Variants in SENP6 observed in about 807,000 individuals in gnomAD.
SENP6 encodes sentrin-specific protease 6.
In SENP6, 41 loss-of-function variants were observed where a neutral mutation model predicts 134.5. That is an observed-to-expected ratio of 0.30 (90% confidence interval 0.24 to 0.40). SENP6 has a LOEUF of 0.40. Among genes scored for constraint, SENP6 ranks in the 10% least tolerant of loss-of-function variants. SENP6 has a pLI of 1.00. For missense variants in SENP6, 1,248 were observed against 1,312.5 expected, an observed-to-expected ratio of 0.95 and a Z score of 0.76; for synonymous variants, 395 against 429.8, an observed-to-expected ratio of 0.92 and a Z score of 1.00.
At chr6:75,676,136 A>C in intron 13 of SENP6, 82 bp downstream of exon 13, 1 of 862,070 alleles carries the variant, frequency 1.2e-6, no homozygotes, top group Non-Finnish European at 1.7e-6. Flanking sequence ...ATGTGAGTGC[A>C]CTTTGACAGA....
chr6:75,658,836 G>A (rs958037580), intron 7 of SENP6, among the ~76,000 whole-genome samples: 2 of 151,894 alleles, frequency 1.3e-5, no homozygotes, highest in Non-Finnish European at 2.9e-5. Flanking sequence ...GCTGAGTGTG[G>A]TGGCACGTAC....
intron 10 of SENP6, among the ~76,000 whole-genome samples, chr6:75,669,395 TTAA>T (rs1470195935): frequency 1.3e-5 from 2 of 152,124 alleles, no homozygotes; most frequent in East Asian, 1.9e-4. Flanking sequence ...GATAAATCTG[TTAA>T]TAAGCCTGAA....
At position 75,676,137 on chromosome 6, in the gene SENP6, C is replaced by G. The variant is rs1475284502; in HGVS notation, c.1621+83C>G. 4 of 858,798 alleles carry G rather than the reference C, an allele frequency of 4.7e-6. No homozygotes were observed. The Admixed American group carries it at 1.3e-4, about 28-fold the overall frequency. 53.2% of individuals were successfully genotyped at this position (858,798 alleles called of 1,614,324 possible). ...TGTTAAATAGCAAAATGTGAGTGCACTTTGACAGATGCCTTAGGTGTATAT... is the reference window on the plus strand; with the variant it reads ...TGTTAAATAGCAAAATGTGAGTGCAGTTTGACAGATGCCTTAGGTGTATAT... On this transcript the variant is annotated intron_variant, in intron 13 of 23. Coordinates refer to ENST00000447266, the MANE Select transcript of SENP6 (RefSeq NM_015571.4).
intron 1 of SENP6, among the ~76,000 whole-genome samples, chr6:75,616,928 A>G (rs1767893472): frequency 6.6e-6 from 1 of 151,990 alleles, no homozygotes; most frequent in Admixed American, 6.6e-5. Flanking sequence ...CTGTGGTGTG[A>G]TCATGGCTCA....
At chr6:75,670,439 C>A in intron 10 of SENP6, 114 bp from the exon 11 acceptor site, 1 of 651,724 alleles carries the variant, frequency 1.5e-6, no homozygotes, top group Non-Finnish European at 2.5e-6. Flanking sequence ...AAGGGAAATC[C>A]ATTTTATGTT....
At chr6:75,709,795 C>T (rs1199238545) in intron 20 of SENP6, among the ~76,000 whole-genome samples, 165 bp downstream of exon 20, 1 of 151,830 alleles carries the variant, frequency 6.6e-6, no homozygotes, top group Non-Finnish European at 1.5e-5. Context: ...CATAAGGAAA[C>T]TCCATCTCTT....
In SENP6 at chr6:75,697,412, C is replaced by T. The variant is rs373088891; in HGVS notation, c.2196-13C>T. The T allele has an allele frequency of 5.1e-6, 8 of 1,565,740 alleles. No individual in the cohort carries two copies. Among genetic ancestry groups the T allele is most frequent in the Admixed American group, 1.7e-5 (1 of 57,220 alleles). On this transcript the variant is annotated splice_polypyrimidine_tract_variant and intron_variant, in intron 17 of 23. Transcript: ENST00000447266. Reference sequence around the variant, plus strand: ...AATATTTCAGAAGCTTATAATTTATCTCTTTCTTACAGAATACAGCAAAAA... The same window carrying T: ...AATATTTCAGAAGCTTATAATTTATTTCTTTCTTACAGAATACAGCAAAAA...
At chr6:75,646,892 T>G (rs1392367961) in intron 6 of SENP6, 1 of 152,146 alleles carries the variant, frequency 6.6e-6, no homozygotes, top group Non-Finnish European at 1.5e-5. Context: ...CTTTTTCTTT[T>G]GTTATTTTCA....
chr6:75,623,961 G>A lies in SENP6; in HGVS notation c.207+1G>A. The stretch of plus-strand genomic sequence containing the variant: ...TTCTGAAACCTCAAAAGGAAAAAAG[G>A]CAAGTGTTGCTTAAAATATTTTCTT... On this transcript the variant is annotated splice_donor_variant, in intron 3 of 23. Transcript: ENST00000447266. LOFTEE classifies it high-confidence loss of function. 1 of 1,603,706 alleles carries A rather than the reference G, an allele frequency of 6.2e-7. No individual in the cohort carries two copies. The highest frequency in any genetic ancestry group is 1.3e-5 in the African/African-American group (1 of 74,716).
At chr6:75,689,504 A>T (rs1378125256) in intron 16 of SENP6, among the ~76,000 whole-genome samples, 2 of 152,348 alleles carry the variant, frequency 1.3e-5, no homozygotes, top group South Asian at 4.1e-4. Context: ...TGTGGAAAAC[A>T]GTGCGTAGGC....
intron 9 of SENP6, among the ~76,000 whole-genome samples, chr6:75,664,737 T>C (rs1350884748): frequency 1.3e-5 from 2 of 152,216 alleles, no homozygotes; most frequent in South Asian, 2.1e-4. Context: ...CTGGGACATG[T>C]ACATTACTCA....
chr6:75,652,034 G>A (rs192620775), intron 7 of SENP6, among the ~76,000 whole-genome samples: 5 of 151,514 alleles, frequency 3.3e-5, no homozygotes, highest in East Asian at 3.9e-4. Flanking sequence ...AAAATTAGCC[G>A]GGTATAGTGG....
chr6:75,632,586 T>A (rs1769194353), intron 3 of SENP6, among the ~76,000 whole-genome samples: 1 of 152,182 alleles, frequency 6.6e-6, no homozygotes, highest in Non-Finnish European at 1.5e-5. Context: ...ATCAGTAAGG[T>A]CCATGTTTGT....
chr6:75,711,892 C>G (rs1775768737), intron 21 of SENP6, among the ~76,000 whole-genome samples: 1 of 152,196 alleles, frequency 6.6e-6, no homozygotes, highest in African/African-American at 2.4e-5. Context: ...AGACTGATCT[C>G]AAACTCCTGG....
rs779910495 is a variant in SENP6, at chr6:75,713,523, C to T, written c.2920C>T (p.Leu974=). 2 of 1,613,276 alleles carry T rather than the reference C, an allele frequency of 1.2e-6. No homozygotes were observed. Among genetic ancestry groups the T allele is most frequent in the Non-Finnish European group, 1.7e-6 (2 of 1,179,602 alleles). Residue 974 remains leucine (L), a synonymous_variant, in exon 22 of 24, where the codon CTA becomes TTA. Coordinates refer to ENST00000447266, the MANE Select transcript of SENP6 (RefSeq NM_015571.4). ...ATTTTTACCCTGCAGACCTTGTATC[C>T]TACTTATGGACTCACTCCGAGGCCC... The part of the protein sequence containing the change: ...KPTICKQPCI[L]LMDSLRGPSR...
In SENP6 at chr6:75,663,533, C is replaced by T. The variant is rs761835430; in HGVS notation, c.994+15C>T. 6.3e-7 allele frequency: 1 copy of T among 1,583,364 alleles called. No homozygotes were observed. The highest frequency in any genetic ancestry group is 1.4e-5 in the African/African-American group (1 of 73,654). ...AAATGATCCAAGTAAGTATTTTACT[C>T]CCTTTAATATTGCTTATATCAATCC... is the stretch of plus-strand genomic sequence containing the variant. On this transcript the variant is annotated intron_variant, in intron 9 of 23. Coordinates refer to ENST00000447266, the MANE Select transcript of SENP6 (RefSeq NM_015571.4).
At chr6:75,649,641 C>T (rs887355895) in intron 7 of SENP6, among the ~76,000 whole-genome samples, 1 of 151,952 alleles carries the variant, frequency 6.6e-6, no homozygotes, top group Non-Finnish European at 1.5e-5. Flanking sequence ...CTCAGCCTCC[C>T]GAGTAGCTGG....
At chr6:75,652,811 C>G (rs1467188524) in intron 7 of SENP6, among the ~76,000 whole-genome samples, 1 of 150,476 alleles carries the variant, frequency 6.6e-6, no homozygotes, top group African/African-American at 2.4e-5. Flanking sequence ...TATTATCATT[C>G]TTTTAGTTTT....
rs183289253 is a variant in SENP6, at chr6:75,678,699, G to T, written c.1958+7G>T. The T allele has an allele frequency of 6.0e-6, 9 of 1,498,494 alleles. No individual in the cohort carries two copies. The East Asian group carries it at 1.4e-4, about 23-fold the overall frequency. The allele number at this position is 1,498,494 out of a possible 1,614,324, so 92.8% of individuals were successfully genotyped here. A position where few individuals can be genotyped will look rare whatever the true frequency, so the allele number is the denominator to read the frequency against. On this transcript the variant is annotated splice_region_variant and intron_variant, in intron 15 of 23. Transcript: ENST00000447266. ...TCATTGGCCCAGTAGAAAAGTGAGA[G>T]AATTCCTTTATATTTGCAATGATCT...
Sources: gnomAD v4.1 joint callset for allele counts (sites outside exome capture counted in the v4.1 genomes callset) on GRCh38, gnomAD v4.1.1 for gene constraint, MANE v1.5 for transcripts, NCBI Gene and HGNC (gene_info 2026-07-23, HGNC 2026-07-21) for gene names.